Variants in ST6GALNAC3 observed in about 807,000 individuals in gnomAD.
ST6GALNAC3 encodes alpha-N-acetylgalactosaminide alpha-2,6-sialyltransferase 3.
A neutral mutation model predicts 32.7 loss-of-function variants in ST6GALNAC3; 25 were observed. That is an observed-to-expected ratio of 0.76 (90% confidence interval 0.56 to 1.07). The LOEUF is 1.07. Ranked by LOEUF, ST6GALNAC3 falls within the 50% of genes least tolerant of loss-of-function variation. The probability of loss-of-function intolerance (pLI) is 0.00; values close to 1 mark genes in which losing one functional copy is unlikely to be tolerated. For synonymous variants in ST6GALNAC3, 129 were observed against 133.1 expected, an observed-to-expected ratio of 0.97 and a Z score of 0.21; for missense variants, 355 against 382.4, an observed-to-expected ratio of 0.93 and a Z score of 0.60.
chr1:76,486,027 A>G (rs1660087894), intron 3 of ST6GALNAC3, among the ~76,000 whole-genome samples: 1 of 152,122 alleles, frequency 6.6e-6, no homozygotes. Context: ...CATGTAGTTG[A>G]GCAGTTTTGA....
intron 2 of ST6GALNAC3, among the ~76,000 whole-genome samples, chr1:76,377,099 T>C (rs527529652): frequency 2.2e-4 from 33 of 152,236 alleles, no homozygotes; most frequent in African/African-American, 7.5e-4. Flanking sequence ...AACTCACCTC[T>C]GTACAGAAAG....
intron 3 of ST6GALNAC3, among the ~76,000 whole-genome samples, chr1:76,608,092 TG>T (rs1412980143): frequency 1.3e-5 from 2 of 152,200 alleles, no homozygotes; most frequent in African/African-American, 4.8e-5. Context: ...CTGCCTCATA[TG>T]AAGTACAATT....
chr1:76,572,845 T>A (rs1020187637), intron 3 of ST6GALNAC3, among the ~76,000 whole-genome samples: 2 of 152,086 alleles, frequency 1.3e-5, no homozygotes, highest in African/African-American at 2.4e-5. Context: ...GTATTGTTAG[T>A]CTCACAGCTT....
chr1:76,540,334 C>A (rs1359221363), intron 3 of ST6GALNAC3, among the ~76,000 whole-genome samples: 1 of 152,002 alleles, frequency 6.6e-6, no homozygotes, highest in African/African-American at 2.4e-5. Flanking sequence ...AAGAGGGGAA[C>A]AACACACACT....
chr1:76,200,993 A>C (rs1272859349), intron 1 of ST6GALNAC3, among the ~76,000 whole-genome samples: 1 of 152,166 alleles, frequency 6.6e-6, no homozygotes, highest in Non-Finnish European at 1.5e-5. Context: ...AAATGTCCTC[A>C]CTAAGTTCCT....
chr1:76,576,346 T>A (rs1348539069), intron 3 of ST6GALNAC3, among the ~76,000 whole-genome samples: 1 of 152,080 alleles, frequency 6.6e-6, no homozygotes, highest in Non-Finnish European at 1.5e-5. Flanking sequence ...TGTTTTTGTA[T>A]GTCCTGATAA....
chr1:76,449,202 C>T (rs1657208861), intron 3 of ST6GALNAC3, among the ~76,000 whole-genome samples: 1 of 152,184 alleles, frequency 6.6e-6, no homozygotes. Flanking sequence ...GCTTATTTCA[C>T]TTAGTAATAT....
intron 3 of ST6GALNAC3, among the ~76,000 whole-genome samples, chr1:76,449,372 G>A (rs1231506588): frequency 6.6e-6 from 1 of 152,200 alleles, no homozygotes; most frequent in African/African-American, 2.4e-5. Flanking sequence ...TATGAATGCA[G>A]CTGCTACAAA....
chr1:76,316,003 C>T (rs527849917), intron 2 of ST6GALNAC3, among the ~76,000 whole-genome samples: 9 of 152,134 alleles, frequency 5.9e-5, no homozygotes, highest in Admixed American at 5.9e-4. Flanking sequence ...TAGGGGTTCT[C>T]AATCTCATTA....
At chr1:76,545,665 T>TTTTTTTGAGACGG (rs1317640012) in intron 3 of ST6GALNAC3, among the ~76,000 whole-genome samples, 1 of 151,890 alleles carries the variant, frequency 6.6e-6, no homozygotes, top group Non-Finnish European at 1.5e-5. Context: ...AACTTTTTTT[T>TTTTTTTGAGACGG]TTTTTTTTGA....
intron 2 of ST6GALNAC3, among the ~76,000 whole-genome samples, chr1:76,380,725 A>G (rs6593532): frequency 0.99 from 150,077 of 152,246 alleles, 74,016 homozygotes; most frequent in Middle Eastern, 1. Flanking sequence ...TAGTGTTTGG[A>G]GTGTTACATG....
chr1:76,379,201 T>A (rs891475604), intron 2 of ST6GALNAC3, among the ~76,000 whole-genome samples: 1 of 152,194 alleles, frequency 6.6e-6, no homozygotes, highest in East Asian at 1.9e-4. Flanking sequence ...CGGCCAAGAA[T>A]GTTTTATATT....
intron 1 of ST6GALNAC3, among the ~76,000 whole-genome samples, chr1:76,130,238 C>T (rs1229201744): frequency 6.6e-6 from 1 of 152,214 alleles, no homozygotes; most frequent in African/African-American, 2.4e-5. Flanking sequence ...AGTTGCCAGT[C>T]TCCTGACGAA....
At chr1:76,165,991 G>T (rs1426788123) in intron 1 of ST6GALNAC3, among the ~76,000 whole-genome samples, 1 of 152,024 alleles carries the variant, frequency 6.6e-6, no homozygotes, top group East Asian at 1.9e-4. Flanking sequence ...AGTTTCTTTT[G>T]CTGTGCAGAA....
chr1:76,322,326 G>GC (rs1646982852), intron 2 of ST6GALNAC3, among the ~76,000 whole-genome samples: 1 of 152,072 alleles, frequency 6.6e-6, no homozygotes, highest in African/African-American at 2.4e-5. Context: ...TTTGAAAAGT[G>GC]CTTATTCTGT....
chr1:76,519,085 C>G (rs967128331), intron 3 of ST6GALNAC3, among the ~76,000 whole-genome samples: 1 of 152,106 alleles, frequency 6.6e-6, no homozygotes, highest in African/African-American at 2.4e-5. Flanking sequence ...ATTATCAATA[C>G]TTTTTAGACT....
In ST6GALNAC3 at chr1:76,156,773, C is replaced by G. The variant is rs190038245; in HGVS notation, c.18+81889C>G. ...TTGAGACGGAGTCTCGCTCTCTCGC[C>G]CAGGCTGGAGTACAGTGGCGCGATC... On this transcript the variant is annotated intron_variant, in intron 1 of 4. Transcript: ENST00000328299. Among the ~76,000 whole-genome samples, 55 of 152,318 alleles carry G rather than the reference C, an allele frequency of 3.6e-4. 1 individual carries two copies. Among genetic ancestry groups the G allele is most frequent in the African/African-American group, 1.2e-3 (51 of 41,580 alleles).
At chr1:76,538,256 C>T (rs1308210132) in intron 3 of ST6GALNAC3, among the ~76,000 whole-genome samples, 1 of 152,068 alleles carries the variant, frequency 6.6e-6, no homozygotes, top group African/African-American at 2.4e-5. Context: ...TAAACAGAAC[C>T]AAAGACAAAA....
chr1:76,543,678 C>T (rs926017573), intron 3 of ST6GALNAC3, among the ~76,000 whole-genome samples: 3 of 152,098 alleles, frequency 2.0e-5, no homozygotes, highest in Non-Finnish European at 2.9e-5. Flanking sequence ...GCAGAGAACT[C>T]GCCCACATTA....
Sources: allele counts gnomAD v4.1 joint callset (sites outside exome capture counted in the v4.1 genomes callset), GRCh38; gene constraint gnomAD v4.1.1; transcripts MANE v1.5; gene names NCBI Gene and HGNC (gene_info 2026-07-23, HGNC 2026-07-21).